Variants in RBM33 observed in about 807,000 individuals in gnomAD.
RBM33 encodes the protein RNA binding motif protein 33, also known as RNA-binding protein 33.
In RBM33, 28 loss-of-function variants were observed where a neutral mutation model predicts 132.6. That is an observed-to-expected ratio of 0.21 (90% CI 0.16 to 0.29). The LOEUF is 0.29. Among genes scored for constraint, RBM33 ranks in the 10% least tolerant of loss-of-function variants. The probability of loss-of-function intolerance (pLI) is 1.00; values close to 1 mark genes in which losing one functional copy is unlikely to be tolerated. For missense variants in RBM33, 1,291 were observed against 1,518.5 expected (o/e 0.85, Z 2.49); for synonymous variants, 634 against 593.0 (o/e 1.07, Z -1.01).
chr7:155,697,791 A>G (rs1015991870), intron 5 of RBM33, among the ~76,000 whole-genome samples: 23 of 152,148 alleles, frequency 1.5e-4, no homozygotes, highest in Non-Finnish European at 3.1e-4. Flanking sequence ...AATAAAGCCT[A>G]AGTGGACCTC....
rs370474511 is a variant in RBM33, at chr7:155,731,667, G to A, written c.1261-5863G>A. Among the ~76,000 whole-genome samples, 44 of 152,288 alleles carry A rather than the reference G, an allele frequency of 2.9e-4. No homozygotes were observed. In the South Asian group the frequency reaches 8.5e-3, roughly 29 times the overall value. ...ATCATGCTACTCAGAAAGGTGTATG[G>A]TGTAAAACTTATGAATTGTTTATTT... is the stretch of plus-strand genomic sequence containing the variant. On this transcript the variant is annotated intron_variant, in intron 9 of 17. Coordinates refer to ENST00000401878, the MANE Select transcript of RBM33 (RefSeq NM_053043.3).
chr7:155,695,990 G>T (rs1799784664), intron 5 of RBM33, among the ~76,000 whole-genome samples: 1 of 151,998 alleles, frequency 6.6e-6, no homozygotes, highest in East Asian at 1.9e-4. Context: ...TTTTCTAATT[G>T]TTCACCACTA....
intron 3 of RBM33, among the ~76,000 whole-genome samples, chr7:155,673,511 C>T (rs150439718): frequency 0.46 from 39,183 of 84,726 alleles, 10,188 homozygotes; most frequent in South Asian, 0.59. Context: ...TATACATACA[C>T]ACGTGTATAT....
At chr7:155,748,296 A>T (rs1267746494) in intron 14 of RBM33, among the ~76,000 whole-genome samples, 2 of 152,244 alleles carry the variant, frequency 1.3e-5, no homozygotes, top group Non-Finnish European at 2.9e-5. Flanking sequence ...GTGTAACTAA[A>T]TCTAATGCAT....
chr7:155,711,923 A>G (rs1800315127), intron 8 of RBM33, among the ~76,000 whole-genome samples: 1 of 152,264 alleles, frequency 6.6e-6, no homozygotes. Context: ...CTGCGGCAAA[A>G]TAGTTTTCAC....
At chr7:155,743,594 T>TA (rs1466988483) in intron 13 of RBM33, among the ~76,000 whole-genome samples, 1 of 152,218 alleles carries the variant, frequency 6.6e-6, no homozygotes, top group East Asian at 1.9e-4. Flanking sequence ...ATTATATATA[T>TA]TTTTTTACTT....
chr7:155,680,960 A>T (rs1056487629), intron 5 of RBM33, 52 bp downstream of exon 5: 3 of 1,446,148 alleles, frequency 2.1e-6, no homozygotes, highest in Admixed American at 3.7e-5. Context: ...TCCCATGCAT[A>T]GGCTTCTAGA....
intron 16 of RBM33, among the ~76,000 whole-genome samples, chr7:155,768,602 G>A (rs1563183781): frequency 6.6e-6 from 1 of 152,186 alleles, no homozygotes; most frequent in Non-Finnish European, 1.5e-5. Flanking sequence ...GAAGATTCTA[G>A]TAACTGCATG....
At chr7:155,679,088 C>A (rs1799263025) in intron 4 of RBM33, among the ~76,000 whole-genome samples, 1 of 152,148 alleles carries the variant, frequency 6.6e-6, no homozygotes, top group South Asian at 2.1e-4. Flanking sequence ...AGGAGAATTG[C>A]TTGATCCACA....
intron 5 of RBM33, among the ~76,000 whole-genome samples, chr7:155,692,303 T>C (rs1799666691): frequency 6.6e-6 from 1 of 152,204 alleles, no homozygotes; most frequent in Admixed American, 6.5e-5. Context: ...AGCGTTTTGG[T>C]AACATTGTCA....
At chr7:155,694,976 T>G (rs1422798504) in intron 5 of RBM33, among the ~76,000 whole-genome samples, 1 of 152,234 alleles carries the variant, frequency 6.6e-6, no homozygotes, top group Non-Finnish European at 1.5e-5. Context: ...AAACCACTAT[T>G]GGTTTTCCAA....
intron 14 of RBM33, among the ~76,000 whole-genome samples, chr7:155,762,506 G>A (rs1802069426): frequency 6.6e-6 from 1 of 152,218 alleles, no homozygotes; most frequent in Non-Finnish European, 1.5e-5. Flanking sequence ...TTTGGAGAGA[G>A]AAGATTTGCA....
At chr7:155,657,083 A>AT (rs1798513159) in intron 1 of RBM33, among the ~76,000 whole-genome samples, 1 of 151,594 alleles carries the variant, frequency 6.6e-6, no homozygotes. Flanking sequence ...TTGTATTCAT[A>AT]TTTTTTGCTT....
chr7:155,648,701 G>C (rs1265406874), intron 1 of RBM33, among the ~76,000 whole-genome samples: 1 of 151,994 alleles, frequency 6.6e-6, no homozygotes, highest in Admixed American at 6.6e-5. Flanking sequence ...AGTCGGGAAA[G>C]AATAGCCTTT....
At chr7:155,689,445 T>C (rs1441324321) in intron 5 of RBM33, among the ~76,000 whole-genome samples, 1 of 150,068 alleles carries the variant, frequency 6.7e-6, no homozygotes, top group African/African-American at 2.5e-5. Flanking sequence ...ATTGATTTTT[T>C]GAAGGGTTTT....
intron 9 of RBM33, among the ~76,000 whole-genome samples, chr7:155,723,285 C>T (rs1280268130): frequency 6.6e-6 from 1 of 152,174 alleles, no homozygotes; most frequent in African/African-American, 2.4e-5. Flanking sequence ...TTTTGAACAC[C>T]TACTGTTTTT....
At chr7:155,719,345 T>C (rs1031622475) in intron 9 of RBM33, among the ~76,000 whole-genome samples, 14 of 152,172 alleles carry the variant, frequency 9.2e-5, no homozygotes, top group African/African-American at 3.4e-4. Context: ...TAGATAACAT[T>C]TATATATGGC....
chr7:155,679,549 C>T (rs760514583), intron 4 of RBM33, among the ~76,000 whole-genome samples: 2 of 152,018 alleles, frequency 1.3e-5, no homozygotes, highest in Admixed American at 6.6e-5. Context: ...GAGGAAACAT[C>T]GGGAAAATGT....
Position 155,706,917 on chromosome 7 carries a change from A to G in RBM33, c.797A>G (p.His266Arg). The part of the protein sequence containing the change: ...LLEFEERERQ[H>R]KQGRYSSRRG... ...GAATTTGAAGAAAGGGAGCGACAGC[A>G]TAAACAAGGACGCTACAGCTCCAGG... The change falls in exon 7 of 18, where the codon CAT (histidine) becomes CGT (arginine). Residue 266 changes from histidine (H) to arginine (R), a missense_variant. Physicochemically the swap from His to Arg is conservative, Grantham distance 29. Around this residue, in one of 7 missense-constraint regions of RBM33, gnomAD observed 34 missense variants for 46.5 expected, o/e 0.73. Coordinates refer to ENST00000401878, the MANE Select transcript of RBM33 (RefSeq NM_053043.3). The G allele has an allele frequency of 6.2e-7, 1 of 1,607,564 alleles. No homozygotes were observed. Among genetic ancestry groups the G allele is most frequent in the Non-Finnish European group, 8.5e-7 (1 of 1,177,174 alleles).
Sources: gnomAD v4.1 joint callset for allele counts (sites outside exome capture counted in the v4.1 genomes callset) on GRCh38, gnomAD v4.1.1 for gene constraint, gnomAD v4.1.1 regional missense constraint, MANE v1.5 for transcripts, NCBI Gene and HGNC (gene_info 2026-07-23, HGNC 2026-07-21) for gene names.